VPS41: variants seen among roughly 807,000 people sequenced by gnomAD.
VPS41 encodes the protein vacuolar protein sorting-associated protein 41 homolog.
A neutral mutation model predicts 130.9 loss-of-function variants in VPS41; 85 were observed. The observed-to-expected ratio is 0.65, with a 90% CI of 0.55 to 0.78. The LOEUF (loss-of-function observed/expected upper bound fraction) is 0.78. Among genes scored for constraint, VPS41 ranks in the 30% least tolerant of loss-of-function variants. VPS41 has a pLI of 0.00. For synonymous variants in VPS41, 335 were observed against 332.9 expected (o/e 1.01, Z -0.07); for missense variants, 874 against 1,018.7 (o/e 0.86, Z 1.93).
intron 2 of VPS41, among the ~76,000 whole-genome samples, chr7:38,895,088 G>A (rs1786952548): frequency 6.6e-6 from 1 of 152,226 alleles, no homozygotes; most frequent in Non-Finnish European, 1.5e-5. Context: ...TTGGGAGGCT[G>A]AGGCAGGCAG....
chr7:38,875,043 A>G (rs576278454), intron 2 of VPS41, among the ~76,000 whole-genome samples: 105 of 152,318 alleles, frequency 6.9e-4, no homozygotes, highest in African/African-American at 2.4e-3. Flanking sequence ...GATAAAACAC[A>G]GTTGGTACCA....
At chr7:38,739,352 G>A (rs1795836937) in intron 25 of VPS41, among the ~76,000 whole-genome samples, 1 of 151,962 alleles carries the variant, frequency 6.6e-6, no homozygotes, top group South Asian at 2.1e-4. Context: ...TACTTTGCTA[G>A]GTGAGAGTAT....
intron 25 of VPS41, among the ~76,000 whole-genome samples, chr7:38,737,754 T>A (rs1407809874): frequency 6.6e-6 from 1 of 152,312 alleles, no homozygotes; most frequent in South Asian, 2.1e-4. Context: ...CTGAGTGTTG[T>A]GTCCATCTTG....
chr7:38,802,541 T>A (rs1423015826), intron 7 of VPS41, among the ~76,000 whole-genome samples: 1 of 152,180 alleles, frequency 6.6e-6, no homozygotes, highest in Non-Finnish European at 1.5e-5. Flanking sequence ...GGCCAAATGA[T>A]CCACTCTCCA....
At chr7:38,775,839 AG>A (rs1784248944) in intron 11 of VPS41, among the ~76,000 whole-genome samples, 1 of 151,450 alleles carries the variant, frequency 6.6e-6, no homozygotes, top group African/African-American at 2.4e-5. Flanking sequence ...AAAAAAAAAA[AG>A]GATACAAACA....
At chr7:38,773,376 T>C (rs1784192955) in intron 12 of VPS41, among the ~76,000 whole-genome samples, 1 of 152,202 alleles carries the variant, frequency 6.6e-6, no homozygotes, top group Admixed American at 6.5e-5. Flanking sequence ...CTCTTATGTT[T>C]TTCAATGGAT....
intron 27 of VPS41, chr7:38,727,238 G>A: frequency 3.6e-6 from 1 of 278,496 alleles, no homozygotes. Context: ...CTACATTGAG[G>A]ACAACTGTAG....
intron 4 of VPS41, among the ~76,000 whole-genome samples, chr7:38,852,422 C>T (rs1410146464): frequency 3.3e-5 from 5 of 152,154 alleles, no homozygotes; most frequent in African/African-American, 1.2e-4. Context: ...CAATAAAATC[C>T]CTTTACTAAA....
chr7:38,800,375 A>T, intron 7 of VPS41, among the ~76,000 whole-genome samples: 1 of 152,220 alleles, frequency 6.6e-6, no homozygotes, highest in African/African-American at 2.4e-5. Flanking sequence ...TAATTCGATA[A>T]ATGCGTGCTG....
chr7:38,889,409 T>C lies in VPS41; in HGVS notation c.60+8682A>G, dbSNP rs539667659. On this transcript the variant is annotated intron_variant, in intron 2 of 28. Coordinates refer to ENST00000310301, the MANE Select transcript of VPS41 (RefSeq NM_014396.4). ...ACAGCTAGGGAAACAGCACATTTCT[T>C]ACCGGAAACACCAATTCAAATGAAA... 5.3e-5 allele frequency among the ~76,000 whole-genome samples: 8 copies of C among 151,856 alleles called. No individual in the cohort carries two copies. In the East Asian group the frequency reaches 1.5e-3, roughly 29 times the overall value.
chr7:38,901,492 A>G (rs1278452698), intron 1 of VPS41, among the ~76,000 whole-genome samples: 1 of 152,230 alleles, frequency 6.6e-6, no homozygotes, highest in Non-Finnish European at 1.5e-5. Context: ...ATGGCAAGAC[A>G]GGAAGCAAAA....
At chr7:38,902,849 T>G (rs1489242450) in intron 1 of VPS41, among the ~76,000 whole-genome samples, 3 of 152,148 alleles carry the variant, frequency 2.0e-5, no homozygotes, top group Non-Finnish European at 2.9e-5. Context: ...AGAGCTTGGT[T>G]TTTACGTTTC....
At chr7:38,841,713 C>T (rs781510129) in intron 4 of VPS41, among the ~76,000 whole-genome samples, 1 of 152,244 alleles carries the variant, frequency 6.6e-6, no homozygotes, top group Non-Finnish European at 1.5e-5. Context: ...AAGCAATTCT[C>T]CTGCCTCAGC....
intron 4 of VPS41, among the ~76,000 whole-genome samples, chr7:38,843,227 T>C (rs931348319): frequency 6.6e-6 from 1 of 152,232 alleles, no homozygotes; most frequent in African/African-American, 2.4e-5. Context: ...AGGTTTTCAA[T>C]ACTCAACTGA....
intron 7 of VPS41, among the ~76,000 whole-genome samples, chr7:38,797,437 ATCAT>A (rs1257948119): frequency 1.3e-5 from 2 of 152,220 alleles, no homozygotes; most frequent in African/African-American, 2.4e-5. Flanking sequence ...GGAAGATTCT[ATCAT>A]TCAAAAAACC....
rs1795600064 is a variant in VPS41 at position 38,728,775 on chromosome 7, C to T, written c.2276G>A (p.Gly759Asp). 6.2e-7 allele frequency: 1 copy of T among 1,613,944 alleles called. No individual in the cohort carries two copies. The highest frequency in any genetic ancestry group is 1.7e-5 in the Admixed American group (1 of 60,002). The change falls in exon 26 of 29, where the codon GGC (glycine) becomes GAC (aspartate). Residue 759 changes from glycine to aspartate, a missense_variant. Coordinates refer to ENST00000310301, the MANE Select transcript of VPS41 (RefSeq NM_014396.4). ...DYNLQILLRE[G>D]CKKILVADSL... is the part of the protein sequence containing the mutation. ...GTCAGCTACGAGAATCTTCTTGCAG[C>T]CTTCACGAAGCAGAATCTAATGCAT... is the stretch of plus-strand genomic sequence containing the variant.
intron 7 of VPS41, among the ~76,000 whole-genome samples, chr7:38,815,419 G>A (rs570127931): frequency 3.9e-4 from 59 of 151,986 alleles, no homozygotes; most frequent in Admixed American, 1.1e-3. Context: ...GCAAGACTCC[G>A]TCTCAAAAAA....
intron 22 of VPS41, among the ~76,000 whole-genome samples, chr7:38,751,908 G>A (rs2115701891): frequency 6.6e-6 from 1 of 152,296 alleles, no homozygotes; most frequent in Non-Finnish European, 1.5e-5. Flanking sequence ...TTGCCTGATG[G>A]TTGATTAAGT....
At chr7:38,866,771 C>T (rs762306346) in intron 3 of VPS41, among the ~76,000 whole-genome samples, 45 of 151,776 alleles carry the variant, frequency 3.0e-4, no homozygotes, top group African/African-American at 5.8e-4. Context: ...AAAGCCAACA[C>T]GTAAAGGAAA....
Sources: allele counts gnomAD v4.1 joint callset (sites outside exome capture counted in the v4.1 genomes callset), GRCh38; gene constraint gnomAD v4.1.1; transcripts MANE v1.5; gene names NCBI Gene and HGNC (gene_info 2026-07-23, HGNC 2026-07-21).